Variants in ADAMTSL1 observed in about 807,000 individuals in gnomAD.
ADAMTSL1 encodes the protein ADAMTS like 1, also known as ADAMTS-like protein 1.
ADAMTSL1 carries 126 observed loss-of-function variants against 201.8 expected under a neutral mutation model. The observed-to-expected ratio is 0.62, with a 90% CI of 0.54 to 0.72. ADAMTSL1 has a LOEUF of 0.72. ADAMTSL1 is among the 30% of genes least tolerant of loss of function. ADAMTSL1 has a pLI of 0.00. For synonymous variants in ADAMTSL1, 1,121 were observed against 903.4 expected (o/e 1.24, Z -4.32); for missense variants, 2,679 against 2,277.8 (o/e 1.18, Z -3.59).
chr9:18,361,484 T>C (rs546389287), intron 2 of ADAMTSL1, among the ~76,000 whole-genome samples: 3 of 152,286 alleles, frequency 2.0e-5, no homozygotes, highest in African/African-American at 7.2e-5. Flanking sequence ...CTGCAGGCTT[T>C]GGGGGGAAAT....
intron 1 of ADAMTSL1, among the ~76,000 whole-genome samples, chr9:18,160,480 A>G (rs1827334351): frequency 6.6e-6 from 1 of 151,984 alleles, no homozygotes; most frequent in Non-Finnish European, 1.5e-5. Flanking sequence ...TCTCTCTGCA[A>G]AACTAACACC....
intron 1 of ADAMTSL1, among the ~76,000 whole-genome samples, chr9:17,968,406 C>A (rs1035956636): frequency 6.6e-6 from 1 of 152,116 alleles, no homozygotes. Flanking sequence ...ATTGCTTACT[C>A]ATGCTATAGA....
At chr9:18,581,171 C>G (rs1823066923) in intron 4 of ADAMTSL1, among the ~76,000 whole-genome samples, 1 of 152,130 alleles carries the variant, frequency 6.6e-6, no homozygotes, top group African/African-American at 2.4e-5. Flanking sequence ...TTTACTATTT[C>G]TTAACTTGCA....
chr9:18,229,469 A>AT (rs1213722112), intron 2 of ADAMTSL1, among the ~76,000 whole-genome samples: 8 of 151,246 alleles, frequency 5.3e-5, no homozygotes, highest in Non-Finnish European at 1.2e-4. Flanking sequence ...ATGGAGACAG[A>AT]TTTTAGGTTA....
chr9:18,710,964 A>G (rs975606290), intron 14 of ADAMTSL1, among the ~76,000 whole-genome samples: 1 of 152,148 alleles, frequency 6.6e-6, no homozygotes, highest in Non-Finnish European at 1.5e-5. Context: ...AATCTCAACC[A>G]AAACGTTACA....
At chr9:18,624,707 C>G (rs1203707238) in intron 5 of ADAMTSL1, among the ~76,000 whole-genome samples, 1 of 152,108 alleles carries the variant, frequency 6.6e-6, no homozygotes, top group Non-Finnish European at 1.5e-5. Context: ...TGGGTGACCT[C>G]TAGGGCCTGA....
At chr9:17,939,725 A>G (rs1343101918) in intron 1 of ADAMTSL1, among the ~76,000 whole-genome samples, 5 of 152,162 alleles carry the variant, frequency 3.3e-5, no homozygotes, top group African/African-American at 1.2e-4. Flanking sequence ...TTGTACTCCC[A>G]TACTATATTA....
At chr9:18,557,004 G>T (rs1459575845) in intron 3 of ADAMTSL1, among the ~76,000 whole-genome samples, 1 of 151,886 alleles carries the variant, frequency 6.6e-6, no homozygotes, top group African/African-American at 2.4e-5. Flanking sequence ...GAGGAATTCT[G>T]ATCTAGAAGT....
chr9:17,923,303 C>A (rs1826382837), intron 1 of ADAMTSL1, among the ~76,000 whole-genome samples: 1 of 147,920 alleles, frequency 6.8e-6, no homozygotes, highest in East Asian at 2.0e-4. Context: ...TGTTTGTATC[C>A]TCTTTTATTT....
At chr9:18,268,710 A>G (rs1031202398) in intron 2 of ADAMTSL1, among the ~76,000 whole-genome samples, 2 of 152,176 alleles carry the variant, frequency 1.3e-5, no homozygotes, top group Non-Finnish European at 2.9e-5. Flanking sequence ...GCTCATTCTC[A>G]GTGTGGACTT....
At chr9:18,298,305 A>G (rs1563868353) in intron 2 of ADAMTSL1, among the ~76,000 whole-genome samples, 1 of 152,212 alleles carries the variant, frequency 6.6e-6, no homozygotes, top group Non-Finnish European at 1.5e-5. Flanking sequence ...TATACGGCCC[A>G]TGAGTCTTAC....
chr9:18,460,660 C>T (rs1417724499), intron 2 of ADAMTSL1, among the ~76,000 whole-genome samples: 4 of 152,206 alleles, frequency 2.6e-5, no homozygotes, highest in East Asian at 3.8e-4. Flanking sequence ...CTACGCTCAG[C>T]TTCTTTTCAT....
chr9:18,628,790 C>T (rs960168980), intron 5 of ADAMTSL1, among the ~76,000 whole-genome samples: 2 of 152,104 alleles, frequency 1.3e-5, no homozygotes, highest in African/African-American at 4.8e-5. Context: ...GCATGAAGAT[C>T]GCATATACTT....
intron 1 of ADAMTSL1, among the ~76,000 whole-genome samples, chr9:17,951,700 C>G (rs1827734956): frequency 6.6e-6 from 1 of 151,474 alleles, no homozygotes; most frequent in African/African-American, 2.4e-5. Flanking sequence ...GGAAGCCAAT[C>G]CTTTACTTCT....
At chr9:18,536,926 T>TG (rs1319429041) in intron 3 of ADAMTSL1, among the ~76,000 whole-genome samples, 4 of 141,072 alleles carry the variant, frequency 2.8e-5, no homozygotes, top group Admixed American at 7.6e-5. Context: ...ACTTATAAAC[T>TG]GTTTTTTTTG....
chr9:17,965,889 C>CT (rs1421260242), intron 1 of ADAMTSL1, among the ~76,000 whole-genome samples: 2 of 152,124 alleles, frequency 1.3e-5, no homozygotes, highest in Admixed American at 6.6e-5. Flanking sequence ...AGCCAGGCAG[C>CT]TTTTTTGCTG....
intron 19 of ADAMTSL1, among the ~76,000 whole-genome samples, chr9:18,781,293 A>C (rs1821379798): frequency 6.6e-6 from 1 of 152,222 alleles, no homozygotes; most frequent in African/African-American, 2.4e-5. Context: ...CCTGAGAGGC[A>C]GGAACAAACA....
At chr9:18,025,559 T>A (rs1235948768) in intron 1 of ADAMTSL1, among the ~76,000 whole-genome samples, 1 of 152,138 alleles carries the variant, frequency 6.6e-6, no homozygotes, top group Non-Finnish European at 1.5e-5. Flanking sequence ...ATCAGATGGT[T>A]GCAGGTGTGT....
chr9:18,083,945 C>G (rs1437505967), intron 1 of ADAMTSL1, among the ~76,000 whole-genome samples: 1 of 152,056 alleles, frequency 6.6e-6, no homozygotes, highest in Non-Finnish European at 1.5e-5. Context: ...ATTCTCTGTA[C>G]TCTGGATGAG....
Sources: gnomAD v4.1 joint callset for allele counts (sites outside exome capture counted in the v4.1 genomes callset) on GRCh38, gnomAD v4.1.1 for gene constraint, MANE v1.5 for transcripts, NCBI Gene and HGNC (gene_info 2026-07-23, HGNC 2026-07-21) for gene names.